The following SLC39A8 variants were observed in gnomAD, a reference collection of about 807,000 sequenced individuals.
The protein encoded by SLC39A8 is solute carrier family 39 member 8, also known as metal cation symporter ZIP8.
In SLC39A8, 15 loss-of-function variants were observed where a neutral mutation model predicts 40.4. The ratio of observed to expected loss-of-function variants is 0.37; its 90% CI spans 0.25 to 0.57. SLC39A8 has a LOEUF of 0.57. Among genes scored for constraint, SLC39A8 ranks in the 20% least tolerant of loss-of-function variants. The probability of loss-of-function intolerance (pLI) is 0.75; values close to 1 mark genes in which losing one functional copy is unlikely to be tolerated. For missense variants in SLC39A8, 472 were observed against 558.8 expected, an observed-to-expected ratio of 0.84 and a Z score of 1.57; for synonymous variants, 223 against 221.6, an observed-to-expected ratio of 1.01 and a Z score of -0.06.
chr4:102,280,346 C>A (rs1732816256), intron 6 of SLC39A8, among the ~76,000 whole-genome samples: 1 of 152,132 alleles, frequency 6.6e-6, no homozygotes, highest in African/African-American at 2.4e-5. Flanking sequence ...TTTGAGTAGG[C>A]CATCTCTCTC....
In SLC39A8 at chr4:102,262,197, C is replaced by T. The variant is rs1192678802; in HGVS notation, c.*847G>A. 1.0e-6 allele frequency: 1 copy of T among 985,758 alleles called. No homozygotes were observed. Among genetic ancestry groups the T allele is most frequent in the Non-Finnish European group, 1.2e-6 (1 of 829,866 alleles). 61.1% of individuals were successfully genotyped at this position (985,758 alleles called of 1,614,324 possible). A position where few individuals can be genotyped will look rare whatever the true frequency, so the allele number is the denominator to read the frequency against. On this transcript the variant is annotated 3_prime_UTR_variant, in exon 9 of 9. Coordinates refer to ENST00000356736, the MANE Select transcript of SLC39A8 (RefSeq NM_001135146.2). ...TTTAAAAGTAAATTGCATAAAATTACATCCAATTTCTTTCTCTAAACCAAC... is the reference window on the plus strand; with the variant it reads ...TTTAAAAGTAAATTGCATAAAATTATATCCAATTTCTTTCTCTAAACCAAC...
downstream of SLC39A8, among the ~76,000 whole-genome samples, chr4:102,260,689 A>G (rs1352603608): frequency 6.6e-6 from 1 of 152,238 alleles, no homozygotes; most frequent in Non-Finnish European, 1.5e-5. Context: ...AAGTAAACCT[A>G]ACATAGATAA....
Position 102,262,622 on chromosome 4 carries a change from G to C in SLC39A8, c.*422C>G, listed in dbSNP as rs1186807413. The C allele has an allele frequency of 2.0e-6, 2 of 986,210 alleles. No individual in the cohort carries two copies. Among genetic ancestry groups the C allele is most frequent in the Admixed American group, 6.1e-5 (1 of 16,300 alleles). The allele number at this position is 986,210 out of a possible 1,614,324, so 61.1% of individuals were successfully genotyped here. A position where few individuals can be genotyped will look rare whatever the true frequency, so the allele number is the denominator to read the frequency against. On this transcript the variant is annotated 3_prime_UTR_variant, in exon 9 of 9. Transcript: ENST00000356736. ...GATGTACTTGCTCTTGAAAGCACTA[G>C]AACAAATTAATTGAAATAAAACCTC...
intron 2 of SLC39A8, among the ~76,000 whole-genome samples, chr4:102,335,133 C>A (rs929413905): frequency 1.3e-5 from 2 of 152,158 alleles, no homozygotes; most frequent in Admixed American, 6.6e-5. Context: ...AATATACTTA[C>A]GTTCTGGGGA....
intron 2 of SLC39A8, among the ~76,000 whole-genome samples, chr4:102,335,096 G>GC (rs1273726436): frequency 6.6e-6 from 1 of 152,192 alleles, no homozygotes; most frequent in Non-Finnish European, 1.5e-5. Context: ...AGCTGTTCAT[G>GC]CTAATGTGTA....
rs1397132290 is a variant in SLC39A8, at chr4:102,267,629, G to T, written c.1094C>A (p.Ala365Asp). Residue 365 changes from alanine (A) to aspartate (D), a missense_variant, in exon 8 of 9, where the codon GCC becomes GAC. Coordinates refer to ENST00000356736, the MANE Select transcript of SLC39A8 (RefSeq NM_001135146.2). Reference sequence around the variant, plus strand: ...TGCAGAAAGGAAGTTGAATAGCAAGGCTTGTCGAGTGCTCATCCCTGCATT... The same window carrying T: ...TGCAGAAAGGAAGTTGAATAGCAAGTCTTGTCGAGTGCTCATCCCTGCATT... ...LLNAGMSTRQ[A>D]LLFNFLSACS... The T allele has an allele frequency of 6.2e-7, 1 of 1,613,388 alleles. No homozygotes were observed. The highest frequency in any genetic ancestry group is 2.2e-5 in the East Asian group (1 of 44,880).
At position 102,344,553 on chromosome 4, in the gene SLC39A8, A is replaced by T; in HGVS notation, c.110T>A (p.Phe37Tyr). 1 of 1,555,166 alleles carries T rather than the reference A, an allele frequency of 6.4e-7. No individual in the cohort carries two copies. Among genetic ancestry groups the T allele is most frequent in the South Asian group, 1.2e-5 (1 of 84,092 alleles). The stretch of plus-strand genomic sequence containing the variant: ...CGCCGACAGGCTCAGATTCGCGCCG[A>T]ACACGCTCAGCACATCCTCGCTGAA... The part of the protein sequence containing the change: ...LAFSEDVLSV[F>Y]GANLSLSAAQ... The change falls in exon 2 of 9, where the codon TTC becomes TAC. Residue 37 changes from phenylalanine to tyrosine, a missense_variant. By Grantham distance (22) the Phe-to-Tyr change is conservative (BLOSUM62 3). This residue lies in a region of SLC39A8 where 175 missense variants were observed against 160.5 expected (regional missense o/e 1.09). Transcript: ENST00000356736.
At chr4:102,276,260 G>A (rs1200262207) in intron 6 of SLC39A8, among the ~76,000 whole-genome samples, 1 of 152,094 alleles carries the variant, frequency 6.6e-6, no homozygotes, top group Non-Finnish European at 1.5e-5. Context: ...AAGAAGAAAA[G>A]AGAGAAGAAT....
chr4:102,306,893 A>C (rs897515650), intron 4 of SLC39A8, among the ~76,000 whole-genome samples: 3 of 152,182 alleles, frequency 2.0e-5, no homozygotes, highest in Non-Finnish European at 2.9e-5. Flanking sequence ...AAAAAAAATA[A>C]GTTGCTATTT....
At chr4:102,283,353 A>C (rs1227314341) in intron 6 of SLC39A8, among the ~76,000 whole-genome samples, 1 of 152,228 alleles carries the variant, frequency 6.6e-6, no homozygotes, top group Non-Finnish European at 1.5e-5. Flanking sequence ...GATACTGCTC[A>C]AGAGAATTGA....
chr4:102,294,643 A>G (rs1733602592), intron 6 of SLC39A8, among the ~76,000 whole-genome samples: 1 of 151,918 alleles, frequency 6.6e-6, no homozygotes, highest in African/African-American at 2.4e-5. Flanking sequence ...GTTGAACCCA[A>G]TCTCTCTCCG....
exon 12 of SLC39A8, chr4:102,253,162 G>GT: frequency 2.8e-6 from 1 of 358,346 alleles, no homozygotes; most frequent in East Asian, 4.2e-5. Context: ...CGTTTTTCGG[G>GT]GCGAGCGGGG....
intron 11 of SLC39A8, chr4:102,253,439 CAA>C (rs1433830558): frequency 1.4e-6 from 1 of 715,472 alleles, no homozygotes; most frequent in Non-Finnish European, 2.6e-6. Flanking sequence ...GCCTGACAGA[CAA>C]AGAGAAGGAA....
At chr4:102,253,365 T>C in exon 12 of SLC39A8, 1 of 710,794 alleles carries the variant, frequency 1.4e-6, no homozygotes. Flanking sequence ...CCAATCACTG[T>C]TGAAGGTGCT....
chr4:102,338,593 C>T (rs1406570540), intron 2 of SLC39A8, among the ~76,000 whole-genome samples: 1 of 152,258 alleles, frequency 6.6e-6, no homozygotes, highest in South Asian at 2.1e-4. Flanking sequence ...AGCAATGTAA[C>T]CAGATAGGCA....
intron 6 of SLC39A8, among the ~76,000 whole-genome samples, chr4:102,271,403 C>T (rs1311186478): frequency 1.3e-5 from 2 of 152,198 alleles, no homozygotes; most frequent in Non-Finnish European, 2.9e-5. Context: ...TATCCTTCAT[C>T]AACCATCCAA....
At chr4:102,302,879 T>G (rs901979458) in intron 6 of SLC39A8, among the ~76,000 whole-genome samples, 1 of 152,006 alleles carries the variant, frequency 6.6e-6, no homozygotes, top group Non-Finnish European at 1.5e-5. Context: ...ATTTCCAGAT[T>G]CTTTGCAAAC....
Position 102,283,948 on chromosome 4 carries a change from C to T in SLC39A8, c.841-15869G>A, listed in dbSNP as rs191192486. The stretch of plus-strand genomic sequence containing the variant: ...TTCCTCAGCCATAATATTATTCTCT[C>T]GGATATTCACATGGATGGTTCCTTC... On this transcript the variant is annotated intron_variant, in intron 6 of 8. Coordinates refer to ENST00000356736, the MANE Select transcript of SLC39A8 (RefSeq NM_001135146.2). 5.3e-4 allele frequency among the ~76,000 whole-genome samples: 80 copies of T among 152,276 alleles called. No homozygotes were observed. The South Asian group carries it at 5.6e-3, about 11-fold the overall frequency.
At chr4:102,321,784 T>C (rs1734977388) in intron 2 of SLC39A8, among the ~76,000 whole-genome samples, 1 of 152,142 alleles carries the variant, frequency 6.6e-6, no homozygotes, top group Non-Finnish European at 1.5e-5. Flanking sequence ...CTGAGAAAGG[T>C]AGAGACCAGA....
Sources: gnomAD v4.1 joint callset for allele counts (sites outside exome capture counted in the v4.1 genomes callset) on GRCh38, gnomAD v4.1.1 for gene constraint, gnomAD v4.1.1 regional missense constraint, MANE v1.5 for transcripts, NCBI Gene and HGNC (gene_info 2026-07-23, HGNC 2026-07-21) for gene names.